Variants in HAPLN2 observed in about 807,000 individuals in gnomAD.
The protein encoded by HAPLN2 is hyaluronan and proteoglycan link protein 2.
HAPLN2 carries 27 observed loss-of-function variants against 29.3 expected under a neutral mutation model. The ratio of observed to expected loss-of-function variants is 0.92; its 90% confidence interval spans 0.68 to 1.27. The LOEUF (loss-of-function observed/expected upper bound fraction) is 1.27, where lower values mean the gene tolerates loss of function less well. Among genes scored for constraint, HAPLN2 ranks in the 50% most tolerant of loss-of-function variants. The probability of loss-of-function intolerance (pLI) is 0.00; values close to 1 mark genes in which losing one functional copy is unlikely to be tolerated. For missense variants in HAPLN2, 454 were observed against 484.3 expected, an observed-to-expected ratio of 0.94 and a Z score of 0.59; for synonymous variants, 208 against 211.7, an observed-to-expected ratio of 0.98 and a Z score of 0.15.
At chr1:156,601,622 T>G in the HAPLN2 span, 1 of 661,096 alleles carries the variant, frequency 1.5e-6, no homozygotes, top group Non-Finnish European at 2.6e-6. Context: ...GTGCCCATTT[T>G]CGGAGGTTCC....
upstream of HAPLN2, among the ~76,000 whole-genome samples, chr1:156,615,711 C>T (rs1392742861): frequency 1.3e-5 from 2 of 151,890 alleles, no homozygotes; most frequent in African/African-American, 2.4e-5. Flanking sequence ...GCTGGGACTA[C>T]AGGCACGCAT....
At position 156,624,173 on chromosome 1, in the gene HAPLN2, C is replaced by T; in HGVS notation, c.439+13C>T. ...TTGAGCTTGGAGGGTGAGGCCCTTCCGCTCCCGCCCCATTCCTGTGTAGCA... is the reference window on the plus strand; with the variant it reads ...TTGAGCTTGGAGGGTGAGGCCCTTCTGCTCCCGCCCCATTCCTGTGTAGCA... On this transcript the variant is annotated intron_variant, in intron 4 of 6. Transcript: ENST00000255039. 6.2e-7 allele frequency: 1 copy of T among 1,607,610 alleles called. No homozygotes were observed.
rs1463020915 is a variant in HAPLN2 at position 156,623,041 on chromosome 1, T to TAAAAAAA, written c.-24-423_-24-422insAAAAAAA. On this transcript the variant is annotated intron_variant, in intron 2 of 6. Coordinates refer to ENST00000255039, the MANE Select transcript of HAPLN2 (RefSeq NM_021817.3). ...GGAGCAACACTCTGTCTCAAAAAAA[T>TAAAAAAA]AAATAAATAAATAAATAAATAAATA... 2.8e-4 allele frequency among the ~76,000 whole-genome samples: 26 copies of TAAAAAAA among 93,258 alleles called. 3 individuals carry two copies. The highest frequency in any genetic ancestry group is 4.7e-4 in the South Asian group (1 of 2,134). 61.2% of individuals were successfully genotyped at this position (93,258 alleles called of 152,430 possible). A position where few individuals can be genotyped will look rare whatever the true frequency, so the allele number is the denominator to read the frequency against.
upstream of HAPLN2, chr1:156,619,150 A>G (rs1678140200): frequency 6.6e-6 from 1 of 151,848 alleles, no homozygotes; most frequent in African/African-American, 2.4e-5. Context: ...CAACCTTTTC[A>G]CCATCCGTTC....
upstream of HAPLN2, among the ~76,000 whole-genome samples, chr1:156,617,855 G>A (rs1238444621): frequency 1.3e-5 from 2 of 151,940 alleles, no homozygotes; most frequent in Non-Finnish European, 2.9e-5. Flanking sequence ...GGGCCTATTC[G>A]GCATTGTTGG....
the HAPLN2 span, among the ~76,000 whole-genome samples, chr1:156,602,914 C>T: frequency 6.6e-6 from 1 of 152,066 alleles, no homozygotes; most frequent in Non-Finnish European, 1.5e-5. Flanking sequence ...CTTAGCGCCC[C>T]CTAGAAACTT....
chr1:156,616,549 T>C (rs762065882), upstream of HAPLN2, among the ~76,000 whole-genome samples: 1 of 152,096 alleles, frequency 6.6e-6, no homozygotes, highest in Non-Finnish European at 1.5e-5. Context: ...TGTGGAGAAA[T>C]GAGCCTGGGA....
chr1:156,609,366 G>A, the HAPLN2 span, among the ~76,000 whole-genome samples: 4 of 152,210 alleles, frequency 2.6e-5, no homozygotes, highest in South Asian at 8.3e-4. Flanking sequence ...TGCCTTGAAA[G>A]ATTGCAAAGA....
At chr1:156,611,266 TAAA>T in the HAPLN2 span, among the ~76,000 whole-genome samples, 107 of 138,406 alleles carry the variant, frequency 7.7e-4, no homozygotes, top group Middle Eastern at 3.7e-3. Context: ...AGTGAGACCC[TAAA>T]AAAAAAAAAA....
the HAPLN2 span, among the ~76,000 whole-genome samples, chr1:156,611,941 C>CT: frequency 1.3e-5 from 2 of 152,186 alleles, no homozygotes; most frequent in East Asian, 3.8e-4. Flanking sequence ...TCCATACTGC[C>CT]TTTTTGTTAA....
In HAPLN2 at chr1:156,624,105, C is replaced by A. The variant is rs764327224; in HGVS notation, c.384C>A (p.Cys128Ter). The change falls in exon 4 of 7, where the codon TGC becomes TGA. Residue 128 changes from cysteine to a stop codon, truncating the protein, a stop_gained. Transcript: ENST00000255039. LOFTEE classifies it high-confidence loss of function. Reference protein sequence around the residue: ...VRLEDEGRYRCELINGIEDES... With the variant: ...VRLEDEGRYR ...TGGAGGACGAGGGCCGGTACCGCTG[C>A]GAGCTCATCAACGGCATCGAGGACG... 7.3e-5 allele frequency: 118 copies of A among 1,613,612 alleles called. No individual in the cohort carries two copies. Among genetic ancestry groups the A allele is most frequent in the Non-Finnish European group, 9.2e-5 (109 of 1,179,938 alleles).
chr1:156,624,329 C>T (rs926447540), intron 4 of HAPLN2, 22 bp from the exon 5 acceptor site: 2 of 1,584,118 alleles, frequency 1.3e-6, no homozygotes, highest in African/African-American at 1.3e-5. Context: ...TGGCCCTCCC[C>T]AGGATCCCCG....
At chr1:156,614,327 C>T in the HAPLN2 span, among the ~76,000 whole-genome samples, 5 of 151,718 alleles carry the variant, frequency 3.3e-5, no homozygotes, top group East Asian at 1.9e-4. Flanking sequence ...CTGGTTCAAG[C>T]GATTCTCCTG....
chr1:156,613,252 G>A, the HAPLN2 span, among the ~76,000 whole-genome samples: 7 of 152,236 alleles, frequency 4.6e-5, no homozygotes, highest in East Asian at 7.7e-4. Flanking sequence ...TCAGGAGGCC[G>A]AGGCAGGAGA....
intron 2 of HAPLN2, among the ~76,000 whole-genome samples, chr1:156,621,039 A>G (rs1678202360): frequency 6.6e-6 from 1 of 151,980 alleles, no homozygotes. Context: ...ATGCATAGTC[A>G]TGCAATTAGG....
chr1:156,617,650 CTTTTT>C (rs56771313), upstream of HAPLN2, among the ~76,000 whole-genome samples: 3 of 137,390 alleles, frequency 2.2e-5, no homozygotes, highest in African/African-American at 8.0e-5. Flanking sequence ...TGCCCAGCCT[CTTTTT>C]TTTTTTTTTT....
the HAPLN2 span, among the ~76,000 whole-genome samples, chr1:156,604,521 C>T: frequency 6.6e-6 from 1 of 152,164 alleles, no homozygotes; most frequent in Non-Finnish European, 1.5e-5. Context: ...ATCTCTTGAC[C>T]TCATGATCTG....
chr1:156,610,132 T>C, the HAPLN2 span, among the ~76,000 whole-genome samples: 1 of 152,258 alleles, frequency 6.6e-6, no homozygotes, highest in East Asian at 1.9e-4. Context: ...TGAAATCGCT[T>C]GAACCCAGGA....
chr1:156,608,499 G>C, the HAPLN2 span, among the ~76,000 whole-genome samples: 2 of 151,906 alleles, frequency 1.3e-5, no homozygotes, highest in East Asian at 3.9e-4. Flanking sequence ...GGGTATAGCA[G>C]GGCCCTTTTC....
Sources: gnomAD v4.1 joint callset for allele counts (sites outside exome capture counted in the v4.1 genomes callset) on GRCh38, gnomAD v4.1.1 for gene constraint, MANE v1.5 for transcripts, NCBI Gene and HGNC (gene_info 2026-07-23, HGNC 2026-07-21) for gene names.